The following SHROOM3 variants were observed in gnomAD, a reference collection of about 807,000 sequenced individuals.
SHROOM3 encodes the protein shroom family member 3, also known as protein Shroom3.
A neutral mutation model predicts 138.6 loss-of-function variants in SHROOM3; 47 were observed. The observed-to-expected ratio is 0.34, with a 90% CI of 0.27 to 0.43. The LOEUF (loss-of-function observed/expected upper bound fraction) is 0.43. SHROOM3 is among the 20% of genes least tolerant of loss of function. The probability of loss-of-function intolerance (pLI) is 1.00; values close to 1 mark genes in which losing one functional copy is unlikely to be tolerated. For synonymous variants in SHROOM3, 1,062 were observed against 1,063.3 expected, an observed-to-expected ratio of 1.00 and a Z score of 0.02; for missense variants, 2,491 against 2,596.5, an observed-to-expected ratio of 0.96 and a Z score of 0.88.
At position 76,699,277 on chromosome 4, in the gene SHROOM3, C is replaced by G. The variant is rs547288191; in HGVS notation, c.324-10879C>G. On this transcript the variant is annotated intron_variant, in intron 2 of 10. Transcript: ENST00000296043. ...GTCTTTTATTCTACACCAATTCCAA[C>G]TCGGAGCCTGCATGTAGAACATGCT... is the stretch of plus-strand genomic sequence containing the variant. Among the ~76,000 whole-genome samples, 16 of 152,332 alleles carry G rather than the reference C, an allele frequency of 1.1e-4. No homozygotes were observed. In the South Asian group the frequency reaches 3.3e-3, roughly 32 times the overall value.
intron 1 of SHROOM3, among the ~76,000 whole-genome samples, chr4:76,531,688 A>G (rs1379600825): frequency 6.6e-6 from 1 of 152,210 alleles, no homozygotes; most frequent in Non-Finnish European, 1.5e-5. Flanking sequence ...AAATGACAGT[A>G]TGTCTAGTCT....
At chr4:76,593,335 C>T (rs1347096468) in intron 2 of SHROOM3, among the ~76,000 whole-genome samples, 1 of 152,078 alleles carries the variant, frequency 6.6e-6, no homozygotes, top group East Asian at 1.9e-4. Flanking sequence ...AGAAATAACC[C>T]CTAGAGGATT....
chr4:76,627,663 C>A (rs368732973), intron 2 of SHROOM3, among the ~76,000 whole-genome samples: 2 of 141,848 alleles, frequency 1.4e-5, no homozygotes, highest in East Asian at 4.1e-4. Context: ...TTGCAAAAGT[C>A]TTTTTTTTTT....
chr4:76,673,839 T>C (rs2110099333), intron 2 of SHROOM3, among the ~76,000 whole-genome samples: 1 of 152,328 alleles, frequency 6.6e-6, no homozygotes, highest in East Asian at 1.9e-4. Context: ...ACAACCCCCG[T>C]GTCCCCACTT....
At chr4:76,555,175 C>G (rs1038160506) in intron 1 of SHROOM3, among the ~76,000 whole-genome samples, 9 of 152,190 alleles carry the variant, frequency 5.9e-5, no homozygotes, top group Admixed American at 2.6e-4. Context: ...AAACCATCCG[C>G]CCACACCCCA....
intron 1 of SHROOM3, among the ~76,000 whole-genome samples, chr4:76,452,895 T>C (rs1730953313): frequency 6.6e-6 from 1 of 152,134 alleles, no homozygotes; most frequent in South Asian, 2.1e-4. Context: ...TTTTTGTATT[T>C]TTAGTAGAGA....
In SHROOM3 at chr4:76,780,969, C is replaced by G. The variant is rs1722721240; in HGVS notation, c.*1792C>G. On this transcript the variant is annotated 3_prime_UTR_variant, in exon 11 of 11. Transcript: ENST00000296043. ...CTGATACTGAATGAGCCCTCACAAG[C>G]CAAGCCAGGTGGAAGACAGCCAGCA... 6.6e-6 allele frequency: 1 copy of G among 152,194 alleles called. No individual in the cohort carries two copies. Among genetic ancestry groups the G allele is most frequent in the Non-Finnish European group, 1.5e-5 (1 of 68,064 alleles). The allele number at this position is 152,194 out of a possible 1,614,324, so 9.4% of individuals were successfully genotyped here.
At chr4:76,745,704 G>C (rs1207275276) in intron 5 of SHROOM3, among the ~76,000 whole-genome samples, 6 of 152,216 alleles carry the variant, frequency 3.9e-5, no homozygotes, top group Non-Finnish European at 7.3e-5. Context: ...GTCTTGGCTG[G>C]GTGCAGTGGT....
At chr4:76,547,187 G>T (rs1733239131) in intron 1 of SHROOM3, among the ~76,000 whole-genome samples, 1 of 152,204 alleles carries the variant, frequency 6.6e-6, no homozygotes, top group Non-Finnish European at 1.5e-5. Flanking sequence ...GCACTTGAAG[G>T]ATTAGGCAGG....
intron 9 of SHROOM3, among the ~76,000 whole-genome samples, chr4:76,762,924 C>T (rs948691049): frequency 3.3e-5 from 5 of 151,948 alleles, no homozygotes; most frequent in African/African-American, 1.2e-4. Context: ...AACCTGAGAT[C>T]AGCATTGAAG....
At chr4:76,608,624 G>C (rs946745879) in intron 2 of SHROOM3, among the ~76,000 whole-genome samples, 2 of 93,740 alleles carry the variant, frequency 2.1e-5, no homozygotes, top group Admixed American at 1.1e-4. Context: ...GGACAGAGAT[G>C]GTATAGCATA....
At chr4:76,729,159 T>A (rs1720799657) in intron 3 of SHROOM3, among the ~76,000 whole-genome samples, 1 of 152,200 alleles carries the variant, frequency 6.6e-6, no homozygotes, top group African/African-American at 2.4e-5. Context: ...CTGCCCTTCA[T>A]TGATAAGGAA....
At position 76,608,528 on chromosome 4, in the gene SHROOM3, G is replaced by GGCATAGCATAGCATAGCATA. The variant is rs66571570; in HGVS notation, c.323+52830_323+52849dup. On this transcript the variant is annotated intron_variant, in intron 2 of 10. Transcript: ENST00000296043. Reference sequence around the variant, plus strand: ...CTGATTTGATTGATTGGACAGAGATGGCATAGCATAGCATAGCATAGCATA... The same window carrying GGCATAGCATAGCATAGCATA: ...CTGATTTGATTGATTGGACAGAGATGGCATAGCATAGCATAGCATAGCATAGCATAGCATAGCATAGCATA... Among the ~76,000 whole-genome samples, 260 of 113,562 alleles carry GGCATAGCATAGCATAGCATA rather than the reference G, an allele frequency of 2.3e-3. 8 individuals carry two copies. Among genetic ancestry groups the GGCATAGCATAGCATAGCATA allele is most frequent in the East Asian group, 6.0e-3 (24 of 4,030 alleles). The allele number at this position is 113,562 out of a possible 152,430, so 74.5% of individuals were successfully genotyped here.
In SHROOM3 at chr4:76,749,508, C is replaced by T. The variant is rs182225780; in HGVS notation, c.3827+418C>T. Among the ~76,000 whole-genome samples, 55 of 152,268 alleles carry T rather than the reference C, an allele frequency of 3.6e-4. No individual in the cohort carries two copies. In the East Asian group the frequency reaches 5.2e-3, roughly 14 times the overall value. On this transcript the variant is annotated intron_variant, in intron 6 of 10. Coordinates refer to ENST00000296043, the MANE Select transcript of SHROOM3 (RefSeq NM_020859.4). ...ATGGAGGTGCTATTCTTGAGCGTGC[C>T]CCATGGCTTTCACAAATGGGGCCTC...
rs773239821 is a variant in SHROOM3 at position 76,660,042 on chromosome 4, C to T, written c.324-50114C>T. On this transcript the variant is annotated intron_variant, in intron 2 of 10. Coordinates refer to ENST00000296043, the MANE Select transcript of SHROOM3 (RefSeq NM_020859.4). The stretch of plus-strand genomic sequence containing the variant: ...GGTATCACACGGAGGCCACCAGACT[C>T]GAGAGTGTGAAGCTCACTGCCCCTC... 9.9e-5 allele frequency among the ~76,000 whole-genome samples: 15 copies of T among 152,232 alleles called. No homozygotes were observed. The South Asian group carries it at 2.1e-3, about 21-fold the overall frequency.
chr4:76,667,324 T>TGTTTC (rs2110095971), intron 2 of SHROOM3, among the ~76,000 whole-genome samples: 1 of 152,260 alleles, frequency 6.6e-6, no homozygotes, highest in Admixed American at 6.5e-5. Flanking sequence ...TCTTTTGTTT[T>TGTTTC]GTTTCGTTTT....
At chr4:76,620,091 A>AAAAAAAAAAAAAAAAG (rs749696462) in intron 2 of SHROOM3, among the ~76,000 whole-genome samples, 1 of 135,412 alleles carries the variant, frequency 7.4e-6, no homozygotes, top group Non-Finnish European at 1.5e-5. Context: ...AAAAAAAAAA[A>AAAAAAAAAAAAAAAAG]AAGAAGAAAA....
intron 2 of SHROOM3, among the ~76,000 whole-genome samples, chr4:76,623,654 C>A (rs1735056010): frequency 2.6e-5 from 4 of 152,154 alleles, no homozygotes; most frequent in Admixed American, 2.6e-4. Context: ...TCCTAAAGCA[C>A]TTTTTTTCCC....
At chr4:76,621,486 G>A (rs868217759) in intron 2 of SHROOM3, among the ~76,000 whole-genome samples, 1 of 152,332 alleles carries the variant, frequency 6.6e-6, no homozygotes, top group South Asian at 2.1e-4. Context: ...GAGCCTTGGA[G>A]GTTATTTATT....
Sources: gnomAD v4.1 joint callset for allele counts (sites outside exome capture counted in the v4.1 genomes callset) on GRCh38, gnomAD v4.1.1 for gene constraint, MANE v1.5 for transcripts, NCBI Gene and HGNC (gene_info 2026-07-23, HGNC 2026-07-21) for gene names.